LIMCH1: variants seen among roughly 807,000 people sequenced by gnomAD.
LIMCH1 encodes the protein LIM and calponin homology domains 1, also known as LIM and calponin homology domains-containing protein 1.
Under a neutral mutation model 176.5 loss-of-function variants are expected in LIMCH1, and 113 were observed. The ratio of observed to expected loss-of-function variants is 0.64; its 90% CI spans 0.55 to 0.75. The LOEUF (loss-of-function observed/expected upper bound fraction) is 0.75. LIMCH1 is among the 30% of genes least tolerant of loss of function. LIMCH1 has a pLI of 0.00. For missense variants in LIMCH1, 1,674 were observed against 1,814.9 expected (o/e 0.92, Z 1.41); for synonymous variants, 619 against 645.9 (o/e 0.96, Z 0.63).
At chr4:41,509,062 C>T (rs761704263) in intron 2 of LIMCH1, among the ~76,000 whole-genome samples, 1 of 152,172 alleles carries the variant, frequency 6.6e-6, no homozygotes, top group Non-Finnish European at 1.5e-5. Flanking sequence ...AGCAACAATA[C>T]AACCTGTCAT....
intron 1 of LIMCH1, among the ~76,000 whole-genome samples, chr4:41,390,266 G>A (rs1319482669): frequency 6.6e-6 from 1 of 151,882 alleles, no homozygotes; most frequent in Non-Finnish European, 1.5e-5. Flanking sequence ...GAGAGAGAGA[G>A]AGAGAGAGCG....
intron 1 of LIMCH1, among the ~76,000 whole-genome samples, chr4:41,450,771 G>T (rs2063777634): frequency 7.0e-6 from 1 of 142,836 alleles, no homozygotes; most frequent in African/African-American, 2.7e-5. Context: ...CTCTAACCTG[G>T]GCCATAGAGC....
At chr4:41,619,096 A>G in intron 5 of LIMCH1, 92 bp from the exon 6 acceptor site, 3 of 1,425,954 alleles carry the variant, frequency 2.1e-6, no homozygotes, top group African/African-American at 1.4e-5. Context: ...CTCAGAACCC[A>G]CAGATTGAAC....
chr4:41,555,416 A>C (rs1194237636), intron 1 of LIMCH1, among the ~76,000 whole-genome samples: 1 of 152,146 alleles, frequency 6.6e-6, no homozygotes, highest in African/African-American at 2.4e-5. Context: ...GGTTCTAAGG[A>C]CACTTGGTTA....
intron 30 of LIMCH1, 143 bp downstream of exon 30, chr4:41,689,778 A>G: frequency 1.8e-6 from 1 of 561,026 alleles, no homozygotes; most frequent in East Asian, 2.9e-5. Context: ...ATTCCTTCAG[A>G]ATGAAACTCA....
At chr4:41,624,302 G>C (rs965138947) in intron 7 of LIMCH1, among the ~76,000 whole-genome samples, 1 of 152,046 alleles carries the variant, frequency 6.6e-6, no homozygotes, top group Admixed American at 6.6e-5. Context: ...AACAAGGCAG[G>C]GGGTGTGGGG....
chr4:41,544,836 T>C (rs892779432), intron 1 of LIMCH1, among the ~76,000 whole-genome samples: 2 of 152,220 alleles, frequency 1.3e-5, no homozygotes, highest in African/African-American at 4.8e-5. Flanking sequence ...TGCTGAGGAC[T>C]ACACAAGATT....
chr4:41,460,455 CATCT>C (rs1011223917), intron 1 of LIMCH1, among the ~76,000 whole-genome samples: 9 of 92,182 alleles, frequency 9.8e-5, no homozygotes, highest in African/African-American at 5.2e-4. Flanking sequence ...CTATAGTAAT[CATCT>C]ATATATATAT....
rs34126010 is a variant in LIMCH1 at position 41,646,327 on chromosome 4, GT to G, written c.2411+57del. On this transcript the variant is annotated intron_variant, in intron 16 of 31. Coordinates refer to ENST00000503057, the MANE Select transcript of LIMCH1 (RefSeq NM_001330672.2). ...TTTTAATGTACAATATTATCTAGGT[GT>G]TTTTTTTTTCTAAAAATTATTGGCT... The G allele has an allele frequency of 6.8e-4, 937 of 1,382,262 alleles. 5 individuals are homozygous for G. The South Asian group carries it at 8.7e-3, about 13-fold the overall frequency. 85.6% of individuals were successfully genotyped at this position (1,382,262 alleles called of 1,614,324 possible).
At position 41,620,613 on chromosome 4, in the gene LIMCH1, T is replaced by C. The variant is rs1271537215; in HGVS notation, c.648T>C (p.Asp216=). The change falls in exon 7 of 32, where the codon GAT becomes GAC. Residue 216 remains aspartate (D), a synonymous_variant. Coordinates refer to ENST00000503057, the MANE Select transcript of LIMCH1 (RefSeq NM_001330672.2). ...VAPAPKSEEK[D]AAEIQKRKRL... ...CAGCTCCCAAGTCTGAAGAAAAAGA[T>C]GCTGCTGAGATCCAAAAGCGCAAAA... is the stretch of plus-strand genomic sequence containing the variant. The C allele has an allele frequency of 1.3e-6, 2 of 1,536,174 alleles. No individual in the cohort carries two copies. The highest frequency in any genetic ancestry group is 1.2e-5 in the South Asian group (1 of 84,062).
intron 3 of LIMCH1, among the ~76,000 whole-genome samples, chr4:41,527,448 T>G (rs1016925451): frequency 1.3e-5 from 2 of 152,210 alleles, no homozygotes; most frequent in Non-Finnish European, 2.9e-5. Context: ...ACAGCAGTTC[T>G]CAGGAAACAA....
intron 1 of LIMCH1, among the ~76,000 whole-genome samples, chr4:41,540,654 G>T (rs181220218): frequency 6.6e-6 from 1 of 152,104 alleles, no homozygotes; most frequent in Non-Finnish European, 1.5e-5. Context: ...CAGGAGAATC[G>T]CTTGAACCCG....
intron 1 of LIMCH1, among the ~76,000 whole-genome samples, chr4:41,573,483 C>G (rs2083897790): frequency 1.3e-5 from 2 of 152,294 alleles, no homozygotes; most frequent in South Asian, 4.1e-4. Context: ...CACTGTGCAT[C>G]ACTTTTCCAG....
At chr4:41,489,755 A>AT (rs2070404334) in intron 1 of LIMCH1, among the ~76,000 whole-genome samples, 1 of 151,764 alleles carries the variant, frequency 6.6e-6, no homozygotes, top group Non-Finnish European at 1.5e-5. Flanking sequence ...CACTTGAAAA[A>AT]ATATATATAT....
At chr4:41,590,098 A>G (rs1043821733) in intron 1 of LIMCH1, among the ~76,000 whole-genome samples, 2 of 138,994 alleles carry the variant, frequency 1.4e-5, no homozygotes. Context: ...TAGTTAATTA[A>G]TTGTTCTTTT....
intron 1 of LIMCH1, among the ~76,000 whole-genome samples, chr4:41,483,304 C>T (rs1279799163): frequency 6.6e-6 from 1 of 151,858 alleles, no homozygotes; most frequent in East Asian, 1.9e-4. Context: ...GGGTGTGGGG[C>T]CAGGGATGGT....
At chr4:41,663,134 CG>C in intron 20 of LIMCH1, 150 bp downstream of exon 20, 1 of 405,328 alleles carries the variant, frequency 2.5e-6, no homozygotes, top group South Asian at 3.0e-5. Context: ...TTTTCTTTTT[CG>C]TGTGTGTGTG....
intron 1 of LIMCH1, among the ~76,000 whole-genome samples, chr4:41,365,146 G>C (rs772042579): frequency 6.6e-6 from 1 of 152,196 alleles, no homozygotes; most frequent in East Asian, 1.9e-4. Context: ...ACCCAACTCA[G>C]CCTTATTTCT....
chr4:41,659,171 C>G (rs1168045058), intron 18 of LIMCH1, among the ~76,000 whole-genome samples: 1 of 152,118 alleles, frequency 6.6e-6, no homozygotes, highest in Non-Finnish European at 1.5e-5. Context: ...TATAACAAAA[C>G]AGACCAGTTA....
Sources: allele counts gnomAD v4.1 joint callset (sites outside exome capture counted in the v4.1 genomes callset), GRCh38; gene constraint gnomAD v4.1.1; transcripts MANE v1.5; gene names NCBI Gene and HGNC (gene_info 2026-07-23, HGNC 2026-07-21).